Variants in EFNA5 observed in about 807,000 individuals in gnomAD.
EFNA5 encodes the protein ephrin-A5.
In EFNA5, 5 loss-of-function variants were observed where a neutral mutation model predicts 22.9. The ratio of observed to expected loss-of-function variants is 0.22; its 90% confidence interval spans 0.11 to 0.46. The LOEUF is 0.46. Ranked by LOEUF, EFNA5 falls within the 20% of genes least tolerant of loss-of-function variation. The probability of loss-of-function intolerance (pLI) is 0.99; values close to 1 mark genes in which losing one functional copy is unlikely to be tolerated. For synonymous variants in EFNA5, 113 were observed against 112.2 expected, an observed-to-expected ratio of 1.01 and a Z score of -0.04; for missense variants, 237 against 293.3, an observed-to-expected ratio of 0.81 and a Z score of 1.40.
At chr5:107,545,135 C>A (rs1051195891) in intron 1 of EFNA5, among the ~76,000 whole-genome samples, 2 of 152,232 alleles carry the variant, frequency 1.3e-5, no homozygotes, top group Admixed American at 6.5e-5. Context: ...AGTCACACAT[C>A]GAACCTTTAC....
intron 1 of EFNA5, among the ~76,000 whole-genome samples, chr5:107,669,760 G>A (rs1751147996): frequency 6.6e-6 from 1 of 152,130 alleles, no homozygotes; most frequent in Admixed American, 6.5e-5. Context: ...AACTCTGGCA[G>A]CTTGTTCTGC....
intron 2 of EFNA5, among the ~76,000 whole-genome samples, chr5:107,413,712 T>C (rs750006214): frequency 2.6e-5 from 4 of 152,172 alleles, no homozygotes; most frequent in Non-Finnish European, 5.9e-5. Context: ...TGTTCAATTG[T>C]ACAAGAAATG....
intron 1 of EFNA5, among the ~76,000 whole-genome samples, chr5:107,471,814 G>C (rs894235250): frequency 3.9e-5 from 6 of 152,164 alleles, no homozygotes; most frequent in Admixed American, 1.3e-4. Flanking sequence ...AAACATCAAA[G>C]AATACAGTAT....
At chr5:107,428,545 A>G (rs1748864171) in intron 1 of EFNA5, among the ~76,000 whole-genome samples, 1 of 152,236 alleles carries the variant, frequency 6.6e-6, no homozygotes, top group African/African-American at 2.4e-5. Flanking sequence ...CGATGTGTGA[A>G]ACAGGAACTG....
intron 1 of EFNA5, among the ~76,000 whole-genome samples, chr5:107,550,147 G>C (rs1475139848): frequency 6.6e-6 from 1 of 152,208 alleles, no homozygotes; most frequent in Admixed American, 6.5e-5. Flanking sequence ...TAAATGCAGA[G>C]ATGCTTTTAG....
At chr5:107,624,631 T>C (rs1380430900) in intron 1 of EFNA5, among the ~76,000 whole-genome samples, 1 of 152,136 alleles carries the variant, frequency 6.6e-6, no homozygotes, top group African/African-American at 2.4e-5. Context: ...AGTGAGTATC[T>C]GCAGCAGAAA....
At chr5:107,607,159 GTA>G (rs1490474120) in intron 1 of EFNA5, among the ~76,000 whole-genome samples, 1 of 152,210 alleles carries the variant, frequency 6.6e-6, no homozygotes, top group African/African-American at 2.4e-5. Flanking sequence ...AATATGAAGT[GTA>G]TATCCTAAAA....
intron 1 of EFNA5, among the ~76,000 whole-genome samples, chr5:107,459,221 C>T (rs1185020448): frequency 6.6e-6 from 1 of 151,886 alleles, no homozygotes; most frequent in Non-Finnish European, 1.5e-5. Flanking sequence ...TGGCAAAACC[C>T]CATCTCTACC....
chr5:107,572,203 C>T (rs1473739768), intron 1 of EFNA5, among the ~76,000 whole-genome samples: 1 of 151,908 alleles, frequency 6.6e-6, no homozygotes, highest in East Asian at 1.9e-4. Flanking sequence ...CCCTGCTGGC[C>T]GCGGTGCTGA....
chr5:107,510,127 G>A (rs1012995715), intron 1 of EFNA5, among the ~76,000 whole-genome samples: 2 of 152,172 alleles, frequency 1.3e-5, no homozygotes, highest in African/African-American at 4.8e-5. Context: ...ACAGCATGTG[G>A]TAAAGAAGCC....
At chr5:107,437,390 T>C (rs78734102) in intron 1 of EFNA5, among the ~76,000 whole-genome samples, 235 of 152,302 alleles carry the variant, frequency 1.5e-3, no homozygotes, top group East Asian at 7.1e-3. Flanking sequence ...TTGTGAGCAG[T>C]TGGATACAAA....
chr5:107,492,132 G>A (rs1746822379), intron 1 of EFNA5, among the ~76,000 whole-genome samples: 2 of 152,026 alleles, frequency 1.3e-5, no homozygotes, highest in Non-Finnish European at 2.9e-5. Flanking sequence ...ACCACCCCTG[G>A]CCTAAAAATG....
At chr5:107,471,570 T>G (rs560877730) in intron 1 of EFNA5, among the ~76,000 whole-genome samples, 34 of 152,344 alleles carry the variant, frequency 2.2e-4, no homozygotes, top group African/African-American at 8.2e-4. Flanking sequence ...GTCTACAAAT[T>G]CATGCTAGTC....
intron 1 of EFNA5, among the ~76,000 whole-genome samples, chr5:107,522,352 C>T (rs1404850236): frequency 5.9e-5 from 9 of 152,150 alleles, no homozygotes; most frequent in Non-Finnish European, 1.3e-4. Context: ...CTCACAGAGC[C>T]ACTAAAACCT....
intron 1 of EFNA5, among the ~76,000 whole-genome samples, chr5:107,542,616 C>A (rs1748072089): frequency 6.6e-6 from 1 of 151,742 alleles, no homozygotes. Flanking sequence ...TCTCTGCCGG[C>A]AAATATGATT....
intron 1 of EFNA5, among the ~76,000 whole-genome samples, chr5:107,569,572 T>TATATAA (rs1328578690): frequency 8.0e-6 from 1 of 125,220 alleles, no homozygotes; most frequent in East Asian, 2.3e-4. Flanking sequence ...TATATATATA[T>TATATAA]ATATATATAT....
At chr5:107,620,553 G>C (rs1238604793) in intron 1 of EFNA5, among the ~76,000 whole-genome samples, 7 of 152,154 alleles carry the variant, frequency 4.6e-5, no homozygotes, top group Non-Finnish European at 8.8e-5. Flanking sequence ...CTTTTCAAGA[G>C]AGCAAATTGT....
chr5:107,516,265 T>C (rs1371776171), intron 1 of EFNA5, among the ~76,000 whole-genome samples: 2 of 151,402 alleles, frequency 1.3e-5, no homozygotes, highest in Non-Finnish European at 2.9e-5. Context: ...TGGCAAACCC[T>C]GGCCTTAAGC....
At chr5:107,544,472 G>T (rs143877502) in intron 1 of EFNA5, among the ~76,000 whole-genome samples, 1 of 152,152 alleles carries the variant, frequency 6.6e-6, no homozygotes, top group Non-Finnish European at 1.5e-5. Context: ...CAGACCAGGA[G>T]CAAGGTTGTT....
Sources: gnomAD v4.1 joint callset for allele counts (sites outside exome capture counted in the v4.1 genomes callset) on GRCh38, gnomAD v4.1.1 for gene constraint, MANE v1.5 for transcripts, NCBI Gene and HGNC (gene_info 2026-07-23, HGNC 2026-07-21) for gene names.